KIAA1217: variants seen among roughly 807,000 people sequenced by gnomAD.
The protein encoded by KIAA1217 is KIAA1217.
A neutral mutation model predicts 163.9 loss-of-function variants in KIAA1217; 88 were observed. That is an observed-to-expected ratio of 0.54 (90% confidence interval 0.45 to 0.64). The LOEUF is 0.64. Among genes scored for constraint, KIAA1217 ranks in the 30% least tolerant of loss-of-function variants. The probability of loss-of-function intolerance (pLI) is 0.00; values close to 1 mark genes in which losing one functional copy is unlikely to be tolerated. For missense variants in KIAA1217, 2,372 were observed against 2,475.0 expected (o/e 0.96, Z 0.88); for synonymous variants, 903 against 923.1 (o/e 0.98, Z 0.39).
chr10:23,766,245 G>A (rs1247630197), intron 1 of KIAA1217, among the ~76,000 whole-genome samples: 1 of 152,184 alleles, frequency 6.6e-6, no homozygotes, highest in Non-Finnish European at 1.5e-5. Flanking sequence ...TAGTGGCATG[G>A]TAGAGTGGAT....
At chr10:24,320,756 C>T (rs1282749462) in intron 2 of KIAA1217, among the ~76,000 whole-genome samples, 1 of 152,116 alleles carries the variant, frequency 6.6e-6, no homozygotes, top group African/African-American at 2.4e-5. Context: ...TTAAAAGCTA[C>T]AGAGAGGCCG....
At chr10:24,443,122 G>T (rs574216870) in intron 5 of KIAA1217, among the ~76,000 whole-genome samples, 9 of 152,106 alleles carry the variant, frequency 5.9e-5, no homozygotes, top group Non-Finnish European at 4.4e-5. Flanking sequence ...TGTTGGCCAG[G>T]CTGGTCTCAA....
chr10:23,941,951 G>A (rs1347277412), intron 1 of KIAA1217, among the ~76,000 whole-genome samples: 3 of 151,864 alleles, frequency 2.0e-5, no homozygotes, highest in Non-Finnish European at 2.9e-5. Context: ...CTTCCACAAC[G>A]TCAGGACAGT....
At chr10:24,534,701 G>C (rs1035181741) in intron 16 of KIAA1217, among the ~76,000 whole-genome samples, 2 of 151,682 alleles carry the variant, frequency 1.3e-5, no homozygotes, top group Non-Finnish European at 2.9e-5. Context: ...CCAACATAAC[G>C]AAACCCCATC....
At position 24,545,063 on chromosome 10, in the gene KIAA1217, G is replaced by A; in HGVS notation, c.5294G>A (p.Gly1765Asp). Reference protein sequence around the residue: ...KNRPGTLDKPGKQSKLQDPRQ... With the variant: ...KNRPGTLDKPDKQSKLQDPRQ... ...AGACCCGGAACCCTGGACAAACCCG[G>A]CAAGCAGTCCAAACTGCAGGATCCC... The change falls in exon 20 of 21, where the codon GGC becomes GAC. Residue 1765 changes from glycine to aspartate, a missense_variant. Physicochemically the swap from Gly to Asp is moderately conservative, Grantham distance 94. Coordinates refer to ENST00000376454, the MANE Select transcript of KIAA1217 (RefSeq NM_019590.5). 6.2e-7 allele frequency: 1 copy of A among 1,614,092 alleles called. No individual in the cohort carries two copies. The highest frequency in any genetic ancestry group is 1.3e-5 in the African/African-American group (1 of 75,014).
chr10:23,996,020 T>C (rs1365506817), intron 1 of KIAA1217, among the ~76,000 whole-genome samples: 1 of 152,154 alleles, frequency 6.6e-6, no homozygotes, highest in Non-Finnish European at 1.5e-5. Context: ...GATGGAAATA[T>C]GCTTTGCAAA....
At chr10:24,143,060 G>T (rs921439808) in intron 2 of KIAA1217, among the ~76,000 whole-genome samples, 4 of 152,158 alleles carry the variant, frequency 2.6e-5, no homozygotes, top group African/African-American at 9.7e-5. Context: ...GATTCTTTAA[G>T]GTTACAAGGA....
chr10:24,026,742 A>ATTTTTTTTTTTTTTTTTTTTTTCTTTTT, intron 2 of KIAA1217, among the ~76,000 whole-genome samples: 1 of 70,092 alleles, frequency 1.4e-5, no homozygotes, highest in African/African-American at 5.9e-5. Context: ...TATTTCATTG[A>ATTTTTTTTTTTTTTTTTTTTTTCTTTTT]TTTTTTTTTT....
chr10:23,816,538 C>T (rs995821699), intron 1 of KIAA1217, among the ~76,000 whole-genome samples: 1 of 152,078 alleles, frequency 6.6e-6, no homozygotes, highest in African/African-American at 2.4e-5. Context: ...TGCGGTGGCT[C>T]ATGCTATAAT....
At chr10:24,389,530 C>A (rs542900782) in intron 3 of KIAA1217, among the ~76,000 whole-genome samples, 17 of 150,502 alleles carry the variant, frequency 1.1e-4, no homozygotes, top group African/African-American at 4.2e-4. Flanking sequence ...TGTACATGTA[C>A]CCTAGAACTT....
intron 1 of KIAA1217, among the ~76,000 whole-genome samples, chr10:23,834,669 G>T (rs143705698): frequency 6.6e-4 from 101 of 152,246 alleles, no homozygotes; most frequent in Non-Finnish European, 1.4e-3. Context: ...CTGGAATGAA[G>T]AAAGGAACAG....
chr10:23,884,379 T>C (rs1276621529), intron 1 of KIAA1217, among the ~76,000 whole-genome samples: 2 of 151,960 alleles, frequency 1.3e-5, no homozygotes, highest in African/African-American at 4.8e-5. Context: ...GGTGGCAACT[T>C]TTCTTACCCA....
chr10:23,942,492 G>A (rs1359290027), intron 1 of KIAA1217, among the ~76,000 whole-genome samples: 2 of 152,130 alleles, frequency 1.3e-5, no homozygotes, highest in Non-Finnish European at 2.9e-5. Context: ...GAAATTATAC[G>A]TTATGAAAAG....
At chr10:23,702,226 GAGAGA>G (rs59289630) in intron 1 of KIAA1217, among the ~76,000 whole-genome samples, 5 of 151,938 alleles carry the variant, frequency 3.3e-5, no homozygotes, top group Non-Finnish European at 4.4e-5. Flanking sequence ...AGGGAAGAGG[GAGAGA>G]AGAGAAGTGA....
intron 1 of KIAA1217, among the ~76,000 whole-genome samples, chr10:23,703,594 TGACTTAAAAA>T (rs1836637846): frequency 6.6e-6 from 1 of 152,210 alleles, no homozygotes; most frequent in South Asian, 2.1e-4. Flanking sequence ...TGACATCAAC[TGACTTAAAAA>T]GTCTTAAAAA....
In KIAA1217 at chr10:24,543,949, A is replaced by G; in HGVS notation, c.4679A>G (p.Asp1560Gly). Residue 1560 changes from aspartate (D) to glycine (G), a missense_variant, in exon 19 of 21, where the codon GAC becomes GGC. Asp to Gly is a moderately conservative substitution (Grantham distance 94, BLOSUM62 -1). Around this residue, in one of 3 missense-constraint regions of KIAA1217, gnomAD observed 690 missense variants for 677.5 expected, o/e 1.02. Coordinates refer to ENST00000376454, the MANE Select transcript of KIAA1217 (RefSeq NM_019590.5). Reference protein sequence around the residue: ...DSPNSECKGEDATDDQFESPK... With the variant: ...DSPNSECKGEGATDDQFESPK... ...CCAAATTCGGAATGCAAGGGTGAGG[A>G]CGCGACCGATGACCAGTTTGAAAGC... The G allele has an allele frequency of 2.5e-6, 4 of 1,614,130 alleles. No homozygotes were observed.
intron 1 of KIAA1217, among the ~76,000 whole-genome samples, chr10:23,858,495 A>C (rs1165779006): frequency 6.6e-6 from 1 of 152,076 alleles, no homozygotes; most frequent in Non-Finnish European, 1.5e-5. Flanking sequence ...ATAAATATAC[A>C]CACACATCTT....
At position 24,524,382 on chromosome 10, in the gene KIAA1217, C is replaced by T; in HGVS notation, c.2516C>T (p.Ala839Val). The change falls in exon 13 of 21, where the codon GCT (alanine) becomes GTT (valine). Residue 839 changes from alanine (A) to valine (V), a missense_variant. Around this residue, in one of 3 missense-constraint regions of KIAA1217, gnomAD observed 1,431 missense variants for 1,470.3 expected, o/e 0.97. Transcript: ENST00000376454. ...GCAGCCCAAGCCGCACAGTACATGG[C>T]TATGGAAAAGGCCACAGCCGCAGAA... is the stretch of plus-strand genomic sequence containing the variant. ...TDAAQAAQYMAMEKATAAEVL... is the reference protein window; with the variant it reads ...TDAAQAAQYMVMEKATAAEVL... 6.2e-7 allele frequency: 1 copy of T among 1,614,226 alleles called. No homozygotes were observed. The highest frequency in any genetic ancestry group is 8.5e-7 in the Non-Finnish European group (1 of 1,180,038).
chr10:23,774,446 T>C (rs1834926015), intron 1 of KIAA1217, among the ~76,000 whole-genome samples: 1 of 152,166 alleles, frequency 6.6e-6, no homozygotes. Flanking sequence ...CAAAGAGACC[T>C]GATAACTTAG....
Sources: allele counts gnomAD v4.1 joint callset (sites outside exome capture counted in the v4.1 genomes callset), GRCh38; gene constraint gnomAD v4.1.1; regional missense constraint gnomAD v4.1.1; transcripts MANE v1.5; gene names NCBI Gene and HGNC (gene_info 2026-07-23, HGNC 2026-07-21).